WDR4: variants seen among roughly 807,000 people sequenced by gnomAD.
WDR4 encodes the protein WDR4 tRNA N7-guanosine methyltransferase non-catalytic subunit.
Under a neutral mutation model 48.6 loss-of-function variants are expected in WDR4, and 47 were observed. That is an observed-to-expected ratio of 0.97 (90% CI 0.77 to 1.23). WDR4 has a LOEUF of 1.23. WDR4 is among the 50% of genes most tolerant of loss of function. The probability of loss-of-function intolerance (pLI) is 0.00; values close to 1 mark genes in which losing one functional copy is unlikely to be tolerated. For missense variants in WDR4, 606 were observed against 551.6 expected, an observed-to-expected ratio of 1.10 and a Z score of -0.99; for synonymous variants, 268 against 230.0, an observed-to-expected ratio of 1.17 and a Z score of -1.49.
chr21:42,851,623 G>A (rs1434018638), intron 10 of WDR4, among the ~76,000 whole-genome samples: 1 of 152,200 alleles, frequency 6.6e-6, no homozygotes. Context: ...CTGGCACAAC[G>A]ACGCACCCAG....
At chr21:42,859,597 G>GGGCCCCCCC in intron 6 of WDR4, 65 bp downstream of exon 6, 2 of 708,190 alleles carry the variant, frequency 2.8e-6, no homozygotes, top group Non-Finnish European at 5.1e-6. Context: ...TCCAGGAGGC[G>GGGCCCCCCC]CCCACCCCAC....
chr21:42,882,423 C>A (rs1384984711), upstream of WDR4, among the ~76,000 whole-genome samples: 3 of 148,126 alleles, frequency 2.0e-5, no homozygotes, highest in Non-Finnish European at 3.0e-5. Flanking sequence ...ATTAGCTGGG[C>A]TTGGTGGCAT....
At chr21:42,872,320 T>C (rs1409893580) in intron 3 of WDR4, among the ~76,000 whole-genome samples, 2 of 151,678 alleles carry the variant, frequency 1.3e-5, no homozygotes, top group African/African-American at 4.8e-5. Context: ...TCTTTGAAAA[T>C]AAGATGAGGC....
the WDR4 span, among the ~76,000 whole-genome samples, chr21:42,886,316 T>C: frequency 2.0e-5 from 3 of 152,192 alleles, no homozygotes; most frequent in Admixed American, 6.5e-5. Flanking sequence ...TCCTCTTGAT[T>C]TATTAATGTC....
chr21:42,852,111 C>T lies in WDR4; in HGVS notation c.1045+144G>A, dbSNP rs373787089. ...GCGTCACCCACCTCCTGCCCTGCCCCGCCTTCTGGATGGGGACACACGCTT... is the reference window on the plus strand; with the variant it reads ...GCGTCACCCACCTCCTGCCCTGCCCTGCCTTCTGGATGGGGACACACGCTT... On this transcript the variant is annotated intron_variant, in intron 10 of 10. Transcript: ENST00000398208. 35 of 871,808 alleles carry T rather than the reference C, an allele frequency of 4.0e-5. No homozygotes were observed. In the African/African-American group the frequency reaches 4.5e-4, roughly 11 times the overall value. 54.0% of individuals were successfully genotyped at this position (871,808 alleles called of 1,614,324 possible).
At chr21:42,877,126 C>T (rs369475950) in intron 1 of WDR4, among the ~76,000 whole-genome samples, 48 of 132,084 alleles carry the variant, frequency 3.6e-4, no homozygotes, top group African/African-American at 1.2e-3. Context: ...TGAGCCACTG[C>T]GCCTGGCCCT....
chr21:42,874,082 G>A (rs1451220866), intron 2 of WDR4, among the ~76,000 whole-genome samples: 5 of 152,176 alleles, frequency 3.3e-5, no homozygotes, highest in Non-Finnish European at 7.3e-5. Flanking sequence ...TTGGTGTTGC[G>A]AGAAGTCAGG....
rs373181618 is a variant in WDR4, at chr21:42,876,218, C to CTTTTTTTTTTTTTTTTTT, written c.155+483_155+484insAAAAAAAAAAAAAAAAAA. On this transcript the variant is annotated intron_variant, in intron 2 of 10. Coordinates refer to ENST00000398208, the MANE Select transcript of WDR4 (RefSeq NM_018669.6). ...CCGCACCCGGCACTAACACTGTACT[C>CTTTTTTTTTTTTTTTTTT]TTTTTTTTTTTGGGAGACAGAGTCT... Among the ~76,000 whole-genome samples, 11 of 105,876 alleles carry CTTTTTTTTTTTTTTTTTT rather than the reference C, an allele frequency of 1.0e-4. 3 individuals carry two copies. The highest frequency in any genetic ancestry group is 3.5e-4 in the African/African-American group (9 of 25,636). 69.5% of individuals were successfully genotyped at this position (105,876 alleles called of 152,430 possible). A position where few individuals can be genotyped will look rare whatever the true frequency, so the allele number is the denominator to read the frequency against.
chr21:42,860,170 C>A (rs73231697), intron 5 of WDR4, among the ~76,000 whole-genome samples: 5,917 of 152,226 alleles, frequency 0.039, 172 homozygotes, highest in Non-Finnish European at 0.059. Flanking sequence ...AAAGACACAG[C>A]ACACAGGGAG....
chr21:42,877,306 G>T (rs2058516602), intron 1 of WDR4, among the ~76,000 whole-genome samples: 1 of 151,290 alleles, frequency 6.6e-6, no homozygotes, highest in African/African-American at 2.4e-5. Context: ...ACCACGCCTG[G>T]CTAATTTTTG....
rs2058133006 is a variant in WDR4 at position 42,862,214 on chromosome 21, G to A, written c.566+68C>T. 2 of 1,434,496 alleles carry A rather than the reference G, an allele frequency of 1.4e-6. No individual in the cohort carries two copies. The highest frequency in any genetic ancestry group is 2.0e-5 in the Admixed American group (1 of 49,528). 88.9% of individuals were successfully genotyped at this position (1,434,496 alleles called of 1,614,324 possible). ...CTCGCCAGCTACAACGGCACCTGCT[G>A]AGCCGCAAGCTGACGCTGTTTTCAA... On this transcript the variant is annotated intron_variant, in intron 5 of 10. Transcript: ENST00000398208. The surrounding 1 kb of genome is among the most constrained non-coding windows in gnomAD (Gnocchi z 4.3).
At chr21:42,863,632 G>A (rs761249073) in intron 3 of WDR4, 36 bp from the exon 4 acceptor site, 1 of 1,602,454 alleles carries the variant, frequency 6.2e-7, no homozygotes, top group Admixed American at 1.7e-5. Context: ...TTAGCTTCCA[G>A]GAGCAGCGCA....
intron 6 of WDR4, 27 bp from the exon 7 acceptor site, chr21:42,855,807 C>CA: frequency 6.6e-7 from 1 of 1,520,126 alleles, no homozygotes; most frequent in Admixed American, 2.0e-5. Flanking sequence ...CACAGGTTAG[C>CA]ACATGGTTGT....
At chr21:42,863,692 C>T (rs2058172822) in intron 3 of WDR4, 96 bp from the exon 4 acceptor site, 1 of 1,367,018 alleles carries the variant, frequency 7.3e-7, no homozygotes, top group Non-Finnish European at 1.0e-6. Context: ...GGCACCGGTA[C>T]CTGGCCATAT....
chr21:42,851,658 A>G (rs1260657643), intron 10 of WDR4, among the ~76,000 whole-genome samples: 1 of 152,130 alleles, frequency 6.6e-6, no homozygotes, highest in African/African-American at 2.4e-5. Flanking sequence ...GTGTCCCCAG[A>G]AGGCAGGGTA....
At chr21:42,845,184 A>G (rs1340775641), downstream of WDR4, among the ~76,000 whole-genome samples, 1 of 152,254 alleles carries the variant, frequency 6.6e-6, no homozygotes, top group Non-Finnish European at 1.5e-5. Context: ...AAGAGAGGGA[A>G]GTCAGCAAAG....
downstream of WDR4, among the ~76,000 whole-genome samples, chr21:42,848,481 T>A (rs2057733810): frequency 3.4e-5 from 1 of 29,252 alleles, no homozygotes; most frequent in Non-Finnish European, 6.3e-5. Context: ...GGCGCACACC[T>A]CACTCACACA....
At chr21:42,881,026 C>G (rs1482064599), upstream of WDR4, among the ~76,000 whole-genome samples, 1 of 151,956 alleles carries the variant, frequency 6.6e-6, no homozygotes. Flanking sequence ...CTGCCTCAGC[C>G]TCCTGAGTAG....
chr21:42,858,282 C>T (rs776462574), intron 6 of WDR4, among the ~76,000 whole-genome samples: 1 of 152,178 alleles, frequency 6.6e-6, no homozygotes, highest in Non-Finnish European at 1.5e-5. Flanking sequence ...GTGGCTTTCA[C>T]ATCGCACACT....
Sources: allele counts gnomAD v4.1 joint callset (sites outside exome capture counted in the v4.1 genomes callset), GRCh38; gene constraint gnomAD v4.1.1; non-coding constraint Gnocchi (gnomAD v3.1); transcripts MANE v1.5; gene names NCBI Gene and HGNC (gene_info 2026-07-23, HGNC 2026-07-21).